CECR2: variants seen among roughly 807,000 people sequenced by gnomAD.
CECR2 encodes chromatin remodeling regulator CECR2.
A neutral mutation model predicts 154.5 loss-of-function variants in CECR2; 30 were observed. That is an observed-to-expected ratio of 0.19 (90% CI 0.15 to 0.26). The LOEUF (loss-of-function observed/expected upper bound fraction) is 0.26, where lower values mean the gene tolerates loss of function less well. CECR2 is among the 10% of genes least tolerant of loss of function. The pLI, the probability that CECR2 is intolerant of heterozygous loss-of-function variation, is 1.00. For missense variants in CECR2, 1,743 were observed against 1,829.3 expected (o/e 0.95, Z 0.86); for synonymous variants, 725 against 683.7 (o/e 1.06, Z -0.94).
At chr22:17,523,451 C>T (rs919305576) in intron 8 of CECR2, among the ~76,000 whole-genome samples, 1 of 151,664 alleles carries the variant, frequency 6.6e-6, no homozygotes, top group Admixed American at 6.6e-5. Context: ...AACTTCCTAG[C>T]GCTTTTTAAA....
At chr22:17,407,310 A>C (rs531751152) in intron 1 of CECR2, among the ~76,000 whole-genome samples, 1 of 152,298 alleles carries the variant, frequency 6.6e-6, no homozygotes, top group Non-Finnish European at 1.5e-5. Context: ...CTATAATTGA[A>C]AGAGGCCGGG....
intron 14 of CECR2, 103 bp downstream of exon 14, chr22:17,540,903 T>A: frequency 2.0e-5 from 24 of 1,224,294 alleles, no homozygotes; most frequent in Non-Finnish European, 2.2e-5. Flanking sequence ...CTTACGTGTA[T>A]GTATGGAATC....
chr22:17,425,109 G>T (rs139688513), intron 1 of CECR2, among the ~76,000 whole-genome samples: 1 of 152,082 alleles, frequency 6.6e-6, no homozygotes, highest in South Asian at 2.1e-4. Context: ...TCTTGTGCTT[G>T]TTCTCACTAC....
intron 1 of CECR2, among the ~76,000 whole-genome samples, chr22:17,405,257 A>G (rs1043504319): frequency 6.6e-6 from 1 of 152,044 alleles, no homozygotes; most frequent in African/African-American, 2.4e-5. Context: ...TAAAAAATAC[A>G]AACAATTAGC....
At chr22:17,490,530 G>A (rs1161782698) in intron 2 of CECR2, among the ~76,000 whole-genome samples, 1 of 152,110 alleles carries the variant, frequency 6.6e-6, no homozygotes, top group Non-Finnish European at 1.5e-5. Context: ...CGCCTCCTGA[G>A]TGCAAGCAAT....
chr22:17,477,287 TTTAA>T (rs1353606922), intron 1 of CECR2: 3 of 609,908 alleles, frequency 4.9e-6, no homozygotes, highest in African/African-American at 3.7e-5. Flanking sequence ...AGTTAAGCTC[TTTAA>T]TTATGCAGCT....
At chr22:17,383,657 CTTTTT>C (rs57665657) in intron 1 of CECR2, among the ~76,000 whole-genome samples, 31 of 104,306 alleles carry the variant, frequency 3.0e-4, no homozygotes, top group Admixed American at 9.6e-4. Flanking sequence ...TTCAGGTCCA[CTTTTT>C]TTTTTTTTTT....
At chr22:17,519,909 G>GC (rs376839010) in intron 8 of CECR2, among the ~76,000 whole-genome samples, 1 of 151,396 alleles carries the variant, frequency 6.6e-6, no homozygotes, top group Non-Finnish European at 1.5e-5. Flanking sequence ...TCCTGCCTCA[G>GC]CCCCCCAAGT....
intron 2 of CECR2, among the ~76,000 whole-genome samples, chr22:17,491,544 AT>A (rs1454525924): frequency 8.1e-6 from 1 of 124,010 alleles, no homozygotes; most frequent in East Asian, 2.3e-4. Flanking sequence ...GTATCACTTT[AT>A]TTCCACTATT....
upstream of CECR2, among the ~76,000 whole-genome samples, chr22:17,365,224 A>G (rs952204434): frequency 2.0e-5 from 3 of 151,794 alleles, no homozygotes; most frequent in African/African-American, 7.3e-5. Flanking sequence ...AACTCTGTCT[A>G]AAAAAAAGGA....
rs763008744 is a variant in CECR2 at position 17,511,901 on chromosome 22, G to C, written c.954+5G>C. 4.4e-5 allele frequency: 71 copies of C among 1,607,432 alleles called. 1 individual carries two copies. The South Asian group carries it at 4.8e-4, about 11-fold the overall frequency. On this transcript the variant is annotated splice_donor_5th_base_variant and intron_variant, in intron 8 of 18. Transcript: ENST00000262608. ...ATCAAACCCGTCAAGCAAGAGGTGA[G>C]TGTGGGTGAGAGTAGCGAGGAGGAG...
chr22:17,385,083 G>A (rs926863090), intron 1 of CECR2, among the ~76,000 whole-genome samples: 4 of 152,170 alleles, frequency 2.6e-5, no homozygotes, highest in African/African-American at 9.7e-5. Flanking sequence ...AAGCGTAAGG[G>A]CCTTGCTCTG....
At chr22:17,529,799 G>A (rs138040889) in intron 9 of CECR2, among the ~76,000 whole-genome samples, 2 of 152,028 alleles carry the variant, frequency 1.3e-5, no homozygotes, top group Non-Finnish European at 2.9e-5. Context: ...ACAAAGTCTC[G>A]CTCTGCCTCC....
chr22:17,445,586 TTATTA>T, intron 1 of CECR2, among the ~76,000 whole-genome samples: 1 of 124,788 alleles, frequency 8.0e-6, no homozygotes, highest in African/African-American at 3.4e-5. Context: ...ATTATTATTA[TTATTA>T]TTTGAGGCAG....
rs572712907 is a variant in CECR2 at position 17,481,049 on chromosome 22, T to TAAAAAAAAAAAAAAA, written c.221+3379_221+3380insAAAAAAAAAAAAAAA. ...AGTGAGACTCCATCTCTTTTTTTTT[T>TAAAAAAAAAAAAAAA]AAAAAAAAAAAAGGCCGGGCACGGT... On this transcript the variant is annotated intron_variant, in intron 2 of 18. Coordinates refer to ENST00000262608, the MANE Select transcript of CECR2 (RefSeq NM_001290047.2). Among the ~76,000 whole-genome samples, 28 of 92,054 alleles carry TAAAAAAAAAAAAAAA rather than the reference T, an allele frequency of 3.0e-4. 1 individual carries two copies. Among genetic ancestry groups the TAAAAAAAAAAAAAAA allele is most frequent in the African/African-American group, 5.5e-4 (15 of 27,410 alleles). 60.4% of individuals were successfully genotyped at this position (92,054 alleles called of 152,430 possible). A position where few individuals can be genotyped will look rare whatever the true frequency, so the allele number is the denominator to read the frequency against.
At chr22:17,444,369 G>A (rs1043074367) in intron 1 of CECR2, among the ~76,000 whole-genome samples, 4 of 152,156 alleles carry the variant, frequency 2.6e-5, no homozygotes, top group African/African-American at 9.7e-5. Flanking sequence ...GCTCATGCCT[G>A]TAATCCCAGC....
intron 1 of CECR2, among the ~76,000 whole-genome samples, chr22:17,362,602 T>C (rs1601223821): frequency 2.0e-5 from 3 of 152,116 alleles, no homozygotes; most frequent in South Asian, 4.1e-4. Flanking sequence ...TTTAGATAGA[T>C]TGGATTTAAG....
At chr22:17,399,416 ATTTTT>A (rs67470861) in intron 1 of CECR2, among the ~76,000 whole-genome samples, 2 of 126,386 alleles carry the variant, frequency 1.6e-5, no homozygotes, top group Non-Finnish European at 1.7e-5. Flanking sequence ...AGTAATGGTG[ATTTTT>A]TTTTTTTTTT....
chr22:17,507,025 C>A (rs762215205), intron 7 of CECR2, among the ~76,000 whole-genome samples: 63 of 152,132 alleles, frequency 4.1e-4, no homozygotes, highest in Non-Finnish European at 1.5e-4. Context: ...AATAATATTT[C>A]TGATTATTGA....
Sources: allele counts gnomAD v4.1 joint callset (sites outside exome capture counted in the v4.1 genomes callset), GRCh38; gene constraint gnomAD v4.1.1; transcripts MANE v1.5; gene names NCBI Gene and HGNC (gene_info 2026-07-23, HGNC 2026-07-21).